The following KPNA5 variants were observed in gnomAD, a reference collection of about 807,000 sequenced individuals.
KPNA5 encodes importin subunit alpha-6.
In KPNA5, 46 loss-of-function variants were observed where a neutral mutation model predicts 71.3. The observed-to-expected ratio is 0.65, with a 90% CI of 0.51 to 0.83. The LOEUF (loss-of-function observed/expected upper bound fraction) is 0.83, where lower values mean the gene tolerates loss of function less well. Ranked by LOEUF, KPNA5 falls within the 40% of genes least tolerant of loss-of-function variation. KPNA5 has a pLI of 0.00. For synonymous variants in KPNA5, 207 were observed against 201.4 expected (o/e 1.03, Z -0.24); for missense variants, 547 against 628.3 (o/e 0.87, Z 1.38).
chr6:116,684,310 G>T (rs1777485776), intron 1 of KPNA5, among the ~76,000 whole-genome samples: 1 of 152,092 alleles, frequency 6.6e-6, no homozygotes, highest in Non-Finnish European at 1.5e-5. Context: ...AATTAATCAT[G>T]CATTTCTTTT....
At chr6:116,681,501 C>A (rs1317918790) in intron 1 of KPNA5, 163 bp downstream of exon 1, 4 of 1,362,556 alleles carry the variant, frequency 2.9e-6, no homozygotes, top group Non-Finnish European at 3.8e-6. Context: ...AGGGCGACAG[C>A]GGTCGCGGGG....
chr6:116,727,800 C>T (rs1779341646), intron 12 of KPNA5, among the ~76,000 whole-genome samples: 1 of 152,022 alleles, frequency 6.6e-6, no homozygotes, highest in Non-Finnish European at 1.5e-5. Flanking sequence ...CATGTACTTT[C>T]ACTCTTTTTT....
intron 7 of KPNA5, among the ~76,000 whole-genome samples, chr6:116,708,349 A>G (rs1303624824): frequency 2.0e-5 from 3 of 152,184 alleles, no homozygotes; most frequent in Non-Finnish European, 4.4e-5. Context: ...CAGCTGTACC[A>G]TTTTACATTG....
chr6:116,683,896 CTTTTTTTTTTTTT>C lies in KPNA5; in HGVS notation c.4+2580_4+2592del, dbSNP rs140446065. Among the ~76,000 whole-genome samples, 123 of 59,600 alleles carry C rather than the reference CTTTTTTTTTTTTT, an allele frequency of 2.1e-3. 1 individual carries two copies. Among genetic ancestry groups the C allele is most frequent in the African/African-American group, 4.1e-3 (84 of 20,542 alleles). The allele number at this position is 59,600 out of a possible 152,430, so 39.1% of individuals were successfully genotyped here. A position where few individuals can be genotyped will look rare whatever the true frequency, so the allele number is the denominator to read the frequency against. On this transcript the variant is annotated intron_variant, in intron 1 of 13. Transcript: ENST00000368564. ...ACAGGCGTGAGCCACCGTGCCCGGC[CTTTTTTTTTTTTT>C]TTTTTTTTTTTTTTTTTTTTTGACA...
chr6:116,726,320 T>C (rs879448224), intron 11 of KPNA5, among the ~76,000 whole-genome samples, 175 bp from the exon 12 acceptor site: 4 of 151,992 alleles, frequency 2.6e-5, no homozygotes, highest in Admixed American at 6.6e-5. Flanking sequence ...TAATTTCCTA[T>C]GTAAAAAGAA....
At chr6:116,711,200 T>C (rs1207387065) in intron 7 of KPNA5, among the ~76,000 whole-genome samples, 1 of 151,248 alleles carries the variant, frequency 6.6e-6, no homozygotes, top group Non-Finnish European at 1.5e-5. Flanking sequence ...AGCCAAATTG[T>C]AGTAATATGA....
At chr6:116,699,901 T>A (rs1208526627) in intron 5 of KPNA5, among the ~76,000 whole-genome samples, 1 of 152,230 alleles carries the variant, frequency 6.6e-6, no homozygotes, top group Non-Finnish European at 1.5e-5. Flanking sequence ...AATTCAGATG[T>A]TGTCCTGTCT....
In KPNA5 at chr6:116,727,167, C is replaced by A. The variant is rs1351798920; in HGVS notation, c.1253+545C>A. Among the ~76,000 whole-genome samples, 6 of 151,966 alleles carry A rather than the reference C, an allele frequency of 3.9e-5. No homozygotes were observed. In the East Asian group the frequency reaches 1.2e-3, roughly 29 times the overall value. On this transcript the variant is annotated intron_variant, in intron 12 of 13. Coordinates refer to ENST00000368564, the MANE Select transcript of KPNA5 (RefSeq NM_001366306.2). ...ACAATGTAAATAATAGGTGCATGGGCTTTTAAGTCAGCCTGATTTCAAATC... is the reference window on the plus strand; with the variant it reads ...ACAATGTAAATAATAGGTGCATGGGATTTTAAGTCAGCCTGATTTCAAATC...
intron 6 of KPNA5, among the ~76,000 whole-genome samples, chr6:116,703,582 G>C (rs1315400759): frequency 6.6e-6 from 1 of 152,018 alleles, no homozygotes; most frequent in Non-Finnish European, 1.5e-5. Flanking sequence ...AATTTTTAAA[G>C]CTCTTACTAT....
Position 116,740,028 on chromosome 6 carries a change from A to G in KPNA5, c.*7705A>G, listed in dbSNP as rs1423548086. On this transcript the variant is annotated 3_prime_UTR_variant, in exon 14 of 14. Transcript: ENST00000368564. The stretch of plus-strand genomic sequence containing the variant: ...TAATTGAACTAAAGAGCTTCTGCAC[A>G]GCAAAAGAAACTACCATCAGAGTGA... 6.6e-6 allele frequency: 1 copy of G among 152,146 alleles called. No individual in the cohort carries two copies. The highest frequency in any genetic ancestry group is 1.5e-5 in the Non-Finnish European group (1 of 68,034). The allele number at this position is 152,146 out of a possible 1,614,324, so 9.4% of individuals were successfully genotyped here.
intron 1 of KPNA5, 38 bp downstream of exon 1, chr6:116,681,376 T>C: frequency 6.4e-7 from 1 of 1,550,654 alleles, no homozygotes; most frequent in Non-Finnish European, 8.7e-7. Context: ...TGGGGGAGCC[T>C]CGGTTTTGGT....
At chr6:116,685,768 G>A (rs1262481288) in intron 1 of KPNA5, among the ~76,000 whole-genome samples, 1 of 152,038 alleles carries the variant, frequency 6.6e-6, no homozygotes, top group Non-Finnish European at 1.5e-5. Flanking sequence ...ATGTTTTTAT[G>A]GTAGAATGAT....
intron 4 of KPNA5, among the ~76,000 whole-genome samples, chr6:116,697,302 A>G (rs896519114): frequency 2.0e-5 from 3 of 152,056 alleles, no homozygotes; most frequent in Non-Finnish European, 4.4e-5. Flanking sequence ...TCAGTTTTCC[A>G]TCTTGAAGAA....
chr6:116,701,955 C>T (rs960141448), intron 5 of KPNA5, 64 bp from the exon 6 acceptor site: 16 of 1,510,948 alleles, frequency 1.1e-5, no homozygotes. Flanking sequence ...CCCTCTCTTT[C>T]CTTCTTTGCC....
intron 1 of KPNA5, among the ~76,000 whole-genome samples, chr6:116,685,104 A>AT (rs1777523858): frequency 6.6e-6 from 1 of 152,114 alleles, no homozygotes; most frequent in African/African-American, 2.4e-5. Context: ...ACATTTATTC[A>AT]TAACCTCCAA....
chr6:116,686,264 A>G (rs971640264), intron 1 of KPNA5, among the ~76,000 whole-genome samples: 1 of 151,948 alleles, frequency 6.6e-6, no homozygotes, highest in Admixed American at 6.6e-5. Flanking sequence ...GTGAGATGGT[A>G]TTTTATTCTG....
At position 116,692,151 on chromosome 6, in the gene KPNA5, C is replaced by G. The variant is rs148338986; in HGVS notation, c.235C>G (p.Pro79Ala). 6.0e-5 allele frequency: 96 copies of G among 1,594,180 alleles called. No individual in the cohort carries two copies. The African/African-American group carries it at 1.3e-3, about 21-fold the overall frequency. Reference protein sequence around the residue: ...DPDISSTVPIPEEEVVTTDMV... With the variant: ...DPDISSTVPIAEEEVVTTDMV... ...AGATATTAGTTCCACTGTACCCATTCCAGAGGTATACTTTACCAAAATATG... is the reference window on the plus strand; with the variant it reads ...AGATATTAGTTCCACTGTACCCATTGCAGAGGTATACTTTACCAAAATATG... The change falls in exon 3 of 14, where the codon CCA becomes GCA. Residue 79 changes from proline (P) to alanine (A), a missense_variant. Coordinates refer to ENST00000368564, the MANE Select transcript of KPNA5 (RefSeq NM_001366306.2).
intron 1 of KPNA5, among the ~76,000 whole-genome samples, chr6:116,687,519 G>C (rs981783674): frequency 5.9e-5 from 9 of 152,226 alleles, no homozygotes; most frequent in Admixed American, 1.3e-4. Flanking sequence ...TACGAAAAGA[G>C]TGATTTTTAC....
chr6:116,703,080 T>C (rs1010449388), intron 6 of KPNA5, among the ~76,000 whole-genome samples: 43 of 152,324 alleles, frequency 2.8e-4, no homozygotes, highest in African/African-American at 1.0e-3. Context: ...ATTTTACTGA[T>C]TACTCAATAT....
Sources: gnomAD v4.1 joint callset for allele counts (sites outside exome capture counted in the v4.1 genomes callset) on GRCh38, gnomAD v4.1.1 for gene constraint, MANE v1.5 for transcripts, NCBI Gene and HGNC (gene_info 2026-07-23, HGNC 2026-07-21) for gene names.